IL1RAPL1: variants seen among roughly 807,000 people sequenced by gnomAD.
IL1RAPL1 encodes the protein interleukin 1 receptor accessory protein like 1.
IL1RAPL1 carries 3 observed loss-of-function variants against 48.4 expected under a neutral mutation model. The ratio of observed to expected loss-of-function variants is 0.06; its 90% CI spans 0.03 to 0.16. The LOEUF is 0.16. Among genes scored for constraint, IL1RAPL1 ranks in the 10% least tolerant of loss-of-function variants. The pLI is 1.00. For missense variants in IL1RAPL1, 349 were observed against 530.6 expected, an observed-to-expected ratio of 0.66 and a Z score of 3.36; for synonymous variants, 185 against 187.7, an observed-to-expected ratio of 0.99 and a Z score of 0.12.
Position 29,561,405 on chromosome X carries a change from A to G in IL1RAPL1, c.704-107025A>G, listed in dbSNP as rs12847752. On this transcript the variant is annotated intron_variant, in intron 5 of 10. Transcript: ENST00000378993. ...ATGGGCAGGGTTCATGGAGTTCATG[A>G]TGCAATGAGTAGAAACAATGGCCCT... Among the ~76,000 whole-genome samples, 983 of 112,150 alleles carry G rather than the reference A, an allele frequency of 8.8e-3. 3 individuals carry two copies. The highest frequency in any genetic ancestry group is 0.013 in the Non-Finnish European group (716 of 53,201).
chrX:29,371,219 C>T (rs1391939349), intron 3 of IL1RAPL1, among the ~76,000 whole-genome samples: 7 of 101,751 alleles, frequency 6.9e-5, no homozygotes, highest in African/African-American at 2.5e-4. Flanking sequence ...GCAACCTCCT[C>T]CTACCAGGTT....
intron 3 of IL1RAPL1, among the ~76,000 whole-genome samples, chrX:29,337,206 A>G (rs181868922): frequency 6.6e-4 from 74 of 112,053 alleles, no homozygotes; most frequent in Middle Eastern, 4.6e-3. Context: ...ATGTGCCAAC[A>G]TTTATAAAAT....
intron 2 of IL1RAPL1, among the ~76,000 whole-genome samples, chrX:28,846,569 C>T (rs1921513963): frequency 1.8e-5 from 2 of 111,078 alleles, no homozygotes; most frequent in Middle Eastern, 4.7e-3. Context: ...CCTGTTGCTC[C>T]GTATTCTTGC....
At chrX:28,866,910 CA>C (rs747511897) in intron 2 of IL1RAPL1, among the ~76,000 whole-genome samples, 1 of 111,672 alleles carries the variant, frequency 9.0e-6, no homozygotes, top group Non-Finnish European at 1.9e-5. Flanking sequence ...GTCTTCATAA[CA>C]AGATGATATA....
intron 1 of IL1RAPL1, among the ~76,000 whole-genome samples, chrX:28,718,962 G>T: frequency 9.0e-6 from 1 of 111,669 alleles, no homozygotes; most frequent in Middle Eastern, 4.7e-3. Context: ...AGTATTTGTT[G>T]TTATGTTTGT....
chrX:28,945,464 G>A (rs1224810819), intron 2 of IL1RAPL1, among the ~76,000 whole-genome samples: 3 of 110,997 alleles, frequency 2.7e-5, no homozygotes, highest in Non-Finnish European at 5.7e-5. Flanking sequence ...CATGGATGAA[G>A]CTGGAAGCCA....
chrX:28,598,060 A>G (rs1031368922), intron 1 of IL1RAPL1, among the ~76,000 whole-genome samples: 4 of 112,424 alleles, frequency 3.6e-5, no homozygotes, highest in Non-Finnish European at 7.5e-5. Flanking sequence ...AAAAGAAAAA[A>G]GGAAAGTGCT....
At chrX:28,600,015 T>C (rs1934004202) in intron 1 of IL1RAPL1, among the ~76,000 whole-genome samples, 1 of 111,382 alleles carries the variant, frequency 9.0e-6, no homozygotes, top group Non-Finnish European at 1.9e-5. Context: ...GGAAGACAGT[T>C]ACTTGCAGCT....
intron 6 of IL1RAPL1, among the ~76,000 whole-genome samples, chrX:29,910,084 A>G (rs1251775788): frequency 8.9e-6 from 1 of 111,744 alleles, no homozygotes; most frequent in Non-Finnish European, 1.9e-5. Flanking sequence ...CATCAAAAAG[A>G]ATGATATCAT....
At chrX:28,791,649 G>A (rs770952319) in intron 2 of IL1RAPL1, among the ~76,000 whole-genome samples, 34 of 111,785 alleles carry the variant, frequency 3.0e-4, no homozygotes, top group Non-Finnish European at 5.8e-4. Flanking sequence ...CTGGGATTTT[G>A]CAGCATGCCT....
chrX:28,608,981 A>G (rs1934116645), intron 1 of IL1RAPL1, among the ~76,000 whole-genome samples: 1 of 112,225 alleles, frequency 8.9e-6, no homozygotes, highest in Non-Finnish European at 1.9e-5. Context: ...CATGTAATGG[A>G]CGGTATTAAA....
At chrX:28,907,347 C>G (rs1271984595) in intron 2 of IL1RAPL1, among the ~76,000 whole-genome samples, 1 of 111,768 alleles carries the variant, frequency 8.9e-6, no homozygotes, top group Non-Finnish European at 1.9e-5. Context: ...CTCTGCCTCC[C>G]GGGTTTGAGC....
intron 6 of IL1RAPL1, among the ~76,000 whole-genome samples, chrX:29,896,840 G>A (rs1404712099): frequency 8.9e-6 from 1 of 112,598 alleles, no homozygotes; most frequent in Non-Finnish European, 1.9e-5. Context: ...GCAGCAGTAT[G>A]CATGTGTGCA....
intron 1 of IL1RAPL1, among the ~76,000 whole-genome samples, chrX:28,655,095 T>C (rs146203089): frequency 5.4e-4 from 60 of 111,010 alleles, no homozygotes; most frequent in Admixed American, 2.7e-3. Context: ...TCCAAAGAAA[T>C]TAAACTCATG....
chrX:29,710,122 T>G (rs767565176), intron 6 of IL1RAPL1, among the ~76,000 whole-genome samples: 1 of 111,696 alleles, frequency 9.0e-6, no homozygotes, highest in African/African-American at 3.2e-5. Flanking sequence ...ACTATTTCAC[T>G]TCTTCTGTTC....
intron 2 of IL1RAPL1, among the ~76,000 whole-genome samples, chrX:29,080,964 CTTTCTTTCTTTCTTTCTTTCTT>C (rs1569232703): frequency 2.0e-3 from 85 of 41,542 alleles, no homozygotes; most frequent in African/African-American, 9.7e-3. Flanking sequence ...TTCTTTCTTT[CTTTCTTTCTTTCTTTCTTTCTT>C]TCTTTCTTTC....
At chrX:29,140,424 T>C (rs1329288630) in intron 2 of IL1RAPL1, among the ~76,000 whole-genome samples, 1 of 112,164 alleles carries the variant, frequency 8.9e-6, no homozygotes, top group Non-Finnish European at 1.9e-5. Context: ...ACTCTACATT[T>C]AAAATTCTCT....
intron 2 of IL1RAPL1, among the ~76,000 whole-genome samples, chrX:28,845,275 C>T (rs374521550): frequency 9.0e-6 from 1 of 110,956 alleles, no homozygotes; most frequent in Non-Finnish European, 1.9e-5. Flanking sequence ...CCAAGATAAA[C>T]AAGCCATATT....
intron 2 of IL1RAPL1, among the ~76,000 whole-genome samples, chrX:28,820,459 A>G (rs1030572860): frequency 5.4e-5 from 6 of 111,106 alleles, no homozygotes; most frequent in African/African-American, 2.0e-4. Flanking sequence ...GACATATATC[A>G]TTTGGTGCAA....
Sources: gnomAD v4.1 joint callset for allele counts (sites outside exome capture counted in the v4.1 genomes callset) on GRCh38, gnomAD v4.1.1 for gene constraint, MANE v1.5 for transcripts, NCBI Gene and HGNC (gene_info 2026-07-23, HGNC 2026-07-21) for gene names.